CABCOCO1: variants seen among roughly 807,000 people sequenced by gnomAD.
CABCOCO1 encodes the protein ciliary-associated calcium-binding coiled-coil protein 1.
CABCOCO1 carries 28 observed loss-of-function variants against 35.7 expected under a neutral mutation model. That is an observed-to-expected ratio of 0.78 (90% CI 0.58 to 1.07). The LOEUF (loss-of-function observed/expected upper bound fraction) is 1.07, where lower values mean the gene tolerates loss of function less well. Among genes scored for constraint, CABCOCO1 ranks in the 50% least tolerant of loss-of-function variants. CABCOCO1 has a pLI of 0.00. For missense variants in CABCOCO1, 326 were observed against 309.2 expected (o/e 1.05, Z -0.41); for synonymous variants, 95 against 100.1 (o/e 0.95, Z 0.30).
intron 1 of CABCOCO1, among the ~76,000 whole-genome samples, chr10:61,668,519 C>T (rs187694533): frequency 6.6e-6 from 1 of 152,054 alleles, no homozygotes. Flanking sequence ...TCAATTTTCT[C>T]GTCCAACCGT....
At chr10:61,728,121 A>G (rs1204592350) in intron 5 of CABCOCO1, among the ~76,000 whole-genome samples, 1 of 152,238 alleles carries the variant, frequency 6.6e-6, no homozygotes, top group Non-Finnish European at 1.5e-5. Context: ...TTTTGAAAGC[A>G]TACAAAGACA....
intron 6 of CABCOCO1, among the ~76,000 whole-genome samples, 193 bp downstream of exon 6, chr10:61,760,374 C>T (rs1422897747): frequency 6.6e-6 from 1 of 151,978 alleles, no homozygotes; most frequent in Non-Finnish European, 1.5e-5. Flanking sequence ...CTTTTCCACC[C>T]TACCCTTCCT....
chr10:61,721,086 G>A (rs1314456160), intron 5 of CABCOCO1, among the ~76,000 whole-genome samples: 2 of 151,346 alleles, frequency 1.3e-5, no homozygotes, highest in East Asian at 1.9e-4. Flanking sequence ...CACCACGCCC[G>A]GCTAATTTTT....
intron 2 of CABCOCO1, among the ~76,000 whole-genome samples, chr10:61,680,677 TGTTATAC>T (rs1564532741): frequency 3.6e-5 from 3 of 82,386 alleles, no homozygotes; most frequent in Admixed American, 1.4e-4. Context: ...ATAACATATA[TGTTATAC>T]ATGTATAACA....
chr10:61,760,691 AGAAAAC>A (rs1841991400), intron 6 of CABCOCO1, among the ~76,000 whole-genome samples, 166 bp from the exon 7 acceptor site: 1 of 152,112 alleles, frequency 6.6e-6, no homozygotes, highest in Non-Finnish European at 1.5e-5. Context: ...TGATAGGTGC[AGAAAAC>A]CACCATGGCA....
chr10:61,691,410 A>G (rs964477964), intron 5 of CABCOCO1, among the ~76,000 whole-genome samples: 1 of 152,226 alleles, frequency 6.6e-6, no homozygotes, highest in Non-Finnish European at 1.5e-5. Context: ...AGACACTTTC[A>G]AACAAACTTA....
intron 1 of CABCOCO1, among the ~76,000 whole-genome samples, 77 bp from the exon 2 acceptor site, chr10:61,672,555 A>G (rs956180008): frequency 6.6e-6 from 1 of 152,232 alleles, no homozygotes; most frequent in African/African-American, 2.4e-5. Flanking sequence ...CTATAAGAAG[A>G]GCCAACTTTG....
intron 3 of CABCOCO1, among the ~76,000 whole-genome samples, chr10:61,683,967 G>C (rs1334806871): frequency 6.6e-6 from 1 of 152,018 alleles, no homozygotes; most frequent in Non-Finnish European, 1.5e-5. Flanking sequence ...AATTATCTAA[G>C]AATTTCTCTT....
intron 7 of CABCOCO1, among the ~76,000 whole-genome samples, chr10:61,762,135 A>G (rs1842021842): frequency 6.6e-6 from 1 of 152,100 alleles, no homozygotes; most frequent in East Asian, 1.9e-4. Flanking sequence ...AATATAGTTT[A>G]TGTATAATCA....
At chr10:61,701,548 T>C (rs1253144183) in intron 5 of CABCOCO1, 4 of 770,274 alleles carry the variant, frequency 5.2e-6, no homozygotes, top group Non-Finnish European at 6.3e-6. Flanking sequence ...TATGATATTA[T>C]CTGGCCAATA....
chr10:61,674,648 TAA>T (rs1464303470), intron 2 of CABCOCO1, among the ~76,000 whole-genome samples: 26 of 152,176 alleles, frequency 1.7e-4, no homozygotes, highest in Admixed American at 6.6e-5. Context: ...TACAAAGTTA[TAA>T]GCCTATTTAA....
intron 5 of CABCOCO1, among the ~76,000 whole-genome samples, chr10:61,716,570 C>T (rs1327171705): frequency 6.6e-6 from 1 of 152,098 alleles, no homozygotes; most frequent in Non-Finnish European, 1.5e-5. Flanking sequence ...ATTATTAACC[C>T]CTAAACTGAA....
chr10:61,665,753 A>G (rs867778669), intron 1 of CABCOCO1, among the ~76,000 whole-genome samples: 105 of 151,176 alleles, frequency 6.9e-4, no homozygotes, highest in South Asian at 1.3e-3. Flanking sequence ...CGGGCGTGGT[A>G]GCGGGCGCCT....
intron 1 of CABCOCO1, among the ~76,000 whole-genome samples, chr10:61,668,458 A>C (rs1191087255): frequency 1.3e-5 from 2 of 152,052 alleles, no homozygotes; most frequent in East Asian, 3.8e-4. Flanking sequence ...CCATCTGGGC[A>C]TGGTGACTTT....
chr10:61,692,865 C>T (rs560103603), intron 5 of CABCOCO1, among the ~76,000 whole-genome samples: 1 of 152,124 alleles, frequency 6.6e-6, no homozygotes, highest in African/African-American at 2.4e-5. Context: ...GCGTGACAGC[C>T]CTTGCAATAA....
intron 5 of CABCOCO1, among the ~76,000 whole-genome samples, chr10:61,738,886 A>G (rs1841484226): frequency 6.6e-6 from 1 of 152,252 alleles, no homozygotes; most frequent in Non-Finnish European, 1.5e-5. Context: ...GAGGCTGTTT[A>G]TAAACCAGCT....
intron 1 of CABCOCO1, among the ~76,000 whole-genome samples, chr10:61,668,202 A>G (rs1020779604): frequency 7.2e-5 from 11 of 152,112 alleles, no homozygotes; most frequent in African/African-American, 2.6e-4. Flanking sequence ...TTATTTGGTC[A>G]TAGGTATAGC....
chr10:61,686,233 G>A, intron 4 of CABCOCO1, 48 bp downstream of exon 4: 2 of 1,426,886 alleles, frequency 1.4e-6, no homozygotes, highest in Non-Finnish European at 1.9e-6. Context: ...ACATCTTCTG[G>A]AAAATGTCTG....
chr10:61,663,185 G>A (rs1472481666), intron 1 of CABCOCO1, 153 bp downstream of exon 1: 2 of 193,422 alleles, frequency 1.0e-5, no homozygotes, highest in Non-Finnish European at 2.4e-5. Context: ...CTGGGAGGGC[G>A]GCAGGGCTGG....
Sources: allele counts gnomAD v4.1 joint callset (sites outside exome capture counted in the v4.1 genomes callset), GRCh38; gene constraint gnomAD v4.1.1; transcripts MANE v1.5; gene names NCBI Gene and HGNC (gene_info 2026-07-23, HGNC 2026-07-21).